Variants in COL21A1 observed in about 807,000 individuals in gnomAD.
The protein encoded by COL21A1 is collagen type XXI alpha 1 chain, also known as collagen alpha-1(XXI) chain.
COL21A1 carries 149 observed loss-of-function variants against 137.9 expected under a neutral mutation model. The observed-to-expected ratio is 1.08, with a 90% CI of 0.95 to 1.24. The LOEUF (loss-of-function observed/expected upper bound fraction) is 1.24, where lower values mean the gene tolerates loss of function less well. Ranked by LOEUF, COL21A1 falls within the 50% of genes most tolerant of loss-of-function variation. The pLI, the probability that COL21A1 is intolerant of heterozygous loss-of-function variation, is 0.00. For missense variants in COL21A1, 1,167 were observed against 1,158.4 expected (o/e 1.01, Z -0.11); for synonymous variants, 456 against 391.5 (o/e 1.16, Z -1.95).
intron 17 of COL21A1, among the ~76,000 whole-genome samples, chr6:56,083,632 G>A (rs1336889504): frequency 1.3e-5 from 2 of 151,866 alleles, no homozygotes; most frequent in African/African-American, 2.4e-5. Context: ...TCTAATATCT[G>A]AGGACCAGAT....
intron 3 of COL21A1, among the ~76,000 whole-genome samples, chr6:56,172,363 G>A (rs1051381659): frequency 6.6e-6 from 1 of 152,080 alleles, no homozygotes; most frequent in African/African-American, 2.4e-5. Flanking sequence ...GCCAGGAGTG[G>A]GATGACATAT....
At position 56,057,455 on chromosome 6, in the gene COL21A1, C is replaced by G; in HGVS notation, c.*202G>C. 1 of 573,618 alleles carries G rather than the reference C, an allele frequency of 1.7e-6. No homozygotes were observed. The highest frequency in any genetic ancestry group is 2.0e-5 in the South Asian group (1 of 51,232). 35.5% of individuals were successfully genotyped at this position (573,618 alleles called of 1,614,324 possible). A position where few individuals can be genotyped will look rare whatever the true frequency, so the allele number is the denominator to read the frequency against. ...AACCCTTGAGATTTAATTAATGCTGCTAATCCAAGGGCTCCAAATGACTGA... is the reference window on the plus strand; with the variant it reads ...AACCCTTGAGATTTAATTAATGCTGGTAATCCAAGGGCTCCAAATGACTGA... On this transcript the variant is annotated 3_prime_UTR_variant, in exon 30 of 30. Transcript: ENST00000244728.
At chr6:56,328,027 G>A (rs1360503491) in intron 1 of COL21A1, among the ~76,000 whole-genome samples, 1 of 151,990 alleles carries the variant, frequency 6.6e-6, no homozygotes, top group Non-Finnish European at 1.5e-5. Context: ...TAAATATGGG[G>A]TCAGGCTGCC....
chr6:56,097,953 A>ATGT (rs1769625985), intron 17 of COL21A1, among the ~76,000 whole-genome samples: 1 of 98,468 alleles, frequency 1.0e-5, no homozygotes, highest in Non-Finnish European at 1.8e-5. Flanking sequence ...ATATAAATAT[A>ATGT]AAAATATATA....
intron 1 of COL21A1, among the ~76,000 whole-genome samples, chr6:56,332,640 G>T (rs933011009): frequency 6.7e-6 from 1 of 150,218 alleles, no homozygotes; most frequent in African/African-American, 2.5e-5. Flanking sequence ...GAGTAGGGTC[G>T]GAGACTGTTT....
intron 1 of COL21A1, among the ~76,000 whole-genome samples, chr6:56,265,747 G>A (rs1169781718): frequency 6.6e-6 from 1 of 152,010 alleles, no homozygotes; most frequent in African/African-American, 2.4e-5. Context: ...AGGATTTTTT[G>A]TTTGTTTGGG....
chr6:56,085,233 T>C (rs1768126495), intron 17 of COL21A1, among the ~76,000 whole-genome samples: 1 of 152,066 alleles, frequency 6.6e-6, no homozygotes, highest in Non-Finnish European at 1.5e-5. Flanking sequence ...AAAATTTCAT[T>C]AAAATTGAAG....
At position 56,200,829 on chromosome 6, in the gene COL21A1, T is replaced by C. The variant is rs551932493; in HGVS notation, c.-38-18173A>G. ...TTTGGGTATATACCCAGTAATGGGA[T>C]GGCTGGGTCAAATGGTACTTCTAGT... On this transcript the variant is annotated intron_variant, in intron 1 of 29. Coordinates refer to ENST00000244728, the MANE Select transcript of COL21A1 (RefSeq NM_030820.4). Among the ~76,000 whole-genome samples, 25 of 152,248 alleles carry C rather than the reference T, an allele frequency of 1.6e-4. No individual in the cohort carries two copies. The South Asian group carries it at 5.2e-3, about 32-fold the overall frequency.
intron 1 of COL21A1, among the ~76,000 whole-genome samples, chr6:56,207,223 A>C (rs1779852604): frequency 6.6e-6 from 1 of 152,020 alleles, no homozygotes; most frequent in Non-Finnish European, 1.5e-5. Context: ...GAAAGGAAAA[A>C]CCCTTCAAAA....
At chr6:56,321,634 A>G (rs72870262) in intron 1 of COL21A1, among the ~76,000 whole-genome samples, 46 of 152,284 alleles carry the variant, frequency 3.0e-4, no homozygotes, top group African/African-American at 1.1e-3. Context: ...CACCACATCA[A>G]CAACACATTC....
At chr6:56,092,698 C>G (rs1310129135) in intron 17 of COL21A1, among the ~76,000 whole-genome samples, 1 of 152,116 alleles carries the variant, frequency 6.6e-6, no homozygotes, top group Non-Finnish European at 1.5e-5. Flanking sequence ...CCAATACATA[C>G]TCACATACAT....
At chr6:56,318,247 C>T (rs1359007487) in intron 1 of COL21A1, among the ~76,000 whole-genome samples, 2 of 152,106 alleles carry the variant, frequency 1.3e-5, no homozygotes, top group Non-Finnish European at 2.9e-5. Flanking sequence ...GTATGACTCC[C>T]ACTCTGGTGA....
chr6:56,269,094 T>C (rs925538093), intron 1 of COL21A1, among the ~76,000 whole-genome samples: 1 of 152,080 alleles, frequency 6.6e-6, no homozygotes, highest in African/African-American at 2.4e-5. Flanking sequence ...AAACAAAACA[T>C]CTGAGAAATA....
rs757328990 is a variant in COL21A1, at chr6:56,180,025, T to C, written c.193A>G (p.Lys65Glu). 5.6e-6 allele frequency: 9 copies of C among 1,613,714 alleles called. No homozygotes were observed. Among genetic ancestry groups the C allele is most frequent in the Admixed American group, 1.7e-5 (1 of 59,952 alleles). The part of the protein sequence containing the change: ...IVKKWLVNIT[K>E]NFDIGPKFIQ... The stretch of plus-strand genomic sequence containing the variant: ...AACTTCGGCCCTATGTCAAAGTTTT[T>C]TGTGATATTGACAAGCCACTTTTTC... Residue 65 changes from lysine (K) to glutamate (E), a missense_variant, in exon 3 of 30, where the codon AAA becomes GAA. Coordinates refer to ENST00000244728, the MANE Select transcript of COL21A1 (RefSeq NM_030820.4).
intron 1 of COL21A1, among the ~76,000 whole-genome samples, chr6:56,253,608 C>T (rs1782903972): frequency 6.6e-6 from 1 of 152,262 alleles, no homozygotes; most frequent in African/African-American, 2.4e-5. Flanking sequence ...CTGTATTTTT[C>T]CCTATGTGAG....
intron 1 of COL21A1, among the ~76,000 whole-genome samples, chr6:56,264,842 C>T (rs1306239328): frequency 6.6e-6 from 1 of 152,198 alleles, no homozygotes; most frequent in Non-Finnish European, 1.5e-5. Context: ...TTCACCATCA[C>T]CATCAACTAA....
intron 10 of COL21A1, 82 bp downstream of exon 10, chr6:56,156,805 T>C (rs945751066): frequency 9.1e-7 from 1 of 1,097,514 alleles, no homozygotes; most frequent in South Asian, 1.3e-5. Context: ...TTTCCTTGTC[T>C]GTTTAGATTT....
At chr6:56,348,875 T>C (rs1007834410) in intron 1 of COL21A1, among the ~76,000 whole-genome samples, 3 of 152,172 alleles carry the variant, frequency 2.0e-5, no homozygotes, top group Admixed American at 2.0e-4. Flanking sequence ...TCATTTATCT[T>C]TGAAATTGAA....
At chr6:56,188,543 C>G (rs1778453721) in intron 1 of COL21A1, among the ~76,000 whole-genome samples, 1 of 152,198 alleles carries the variant, frequency 6.6e-6, no homozygotes, top group African/African-American at 2.4e-5. Flanking sequence ...GGGGGAAGGG[C>G]AGCTGTGGGC....
Sources: gnomAD v4.1 joint callset for allele counts (sites outside exome capture counted in the v4.1 genomes callset) on GRCh38, gnomAD v4.1.1 for gene constraint, MANE v1.5 for transcripts, NCBI Gene and HGNC (gene_info 2026-07-23, HGNC 2026-07-21) for gene names.